JMY: variants seen among roughly 807,000 people sequenced by gnomAD.
The protein encoded by JMY is junction-mediating and -regulatory protein.
Under a neutral mutation model 103.3 loss-of-function variants are expected in JMY, and 46 were observed. The ratio of observed to expected loss-of-function variants is 0.45; its 90% CI spans 0.35 to 0.57. JMY has a LOEUF of 0.57. Among genes scored for constraint, JMY ranks in the 20% least tolerant of loss-of-function variants. The pLI is 0.00. For missense variants in JMY, 1,238 were observed against 1,255.2 expected (o/e 0.99, Z 0.21); for synonymous variants, 526 against 489.3 (o/e 1.07, Z -0.99).
intron 1 of JMY, among the ~76,000 whole-genome samples, chr5:79,241,612 CTG>C (rs1385781487): frequency 6.6e-6 from 1 of 152,106 alleles, no homozygotes; most frequent in African/African-American, 2.4e-5. Flanking sequence ...AGTTTTATAT[CTG>C]TGGGCATGTG....
intron 1 of JMY, among the ~76,000 whole-genome samples, chr5:79,247,862 ATATTTTATTT>A (rs1201751153): frequency 6.7e-5 from 10 of 148,264 alleles, no homozygotes; most frequent in East Asian, 5.9e-4. Context: ...TTTATTTTTT[ATATTTTATTT>A]TATTTTATTT....
At chr5:79,271,462 C>A (rs1745780810) in intron 1 of JMY, among the ~76,000 whole-genome samples, 2 of 152,126 alleles carry the variant, frequency 1.3e-5, no homozygotes, top group Admixed American at 1.3e-4. Context: ...GGTATAATTT[C>A]TTTCTTAAAT....
At chr5:79,272,145 C>G (rs1745802716) in intron 1 of JMY, among the ~76,000 whole-genome samples, 2 of 150,282 alleles carry the variant, frequency 1.3e-5, no homozygotes, top group Admixed American at 1.3e-4. Context: ...TCTGCATTAT[C>G]TCCAGTAATA....
chr5:79,269,805 A>G (rs1745689200), intron 1 of JMY, among the ~76,000 whole-genome samples: 1 of 151,860 alleles, frequency 6.6e-6, no homozygotes, highest in African/African-American at 2.4e-5. Context: ...ATCATAGCTC[A>G]CTGCAACCTT....
intron 1 of JMY, among the ~76,000 whole-genome samples, chr5:79,238,736 C>T (rs1473741241): frequency 6.6e-6 from 1 of 151,634 alleles, no homozygotes; most frequent in African/African-American, 2.4e-5. Context: ...CAGCCTCCCC[C>T]TCCCGGGTTC....
In JMY at chr5:79,237,042, C is replaced by T. The variant is rs994307925; in HGVS notation, c.392C>T (p.Pro131Leu). The T allele has an allele frequency of 6.6e-7, 1 of 1,518,664 alleles. No homozygotes were observed. The highest frequency in any genetic ancestry group is 8.9e-7 in the Non-Finnish European group (1 of 1,129,700). 94.1% of individuals were successfully genotyped at this position (1,518,664 alleles called of 1,614,324 possible). A position where few individuals can be genotyped will look rare whatever the true frequency, so the allele number is the denominator to read the frequency against. Reference sequence around the variant, plus strand: ...CTGGGGGACCCGCGGCTGCGGAGTCCTGGCAGCAAAGGGGCGGAGAGTCGT... The same window carrying T: ...CTGGGGGACCCGCGGCTGCGGAGTCTTGGCAGCAAAGGGGCGGAGAGTCGT... Reference protein sequence around the residue: ...SLLGDPRLRSPGSKGAESRLR... With the variant: ...SLLGDPRLRSLGSKGAESRLR... The change falls in exon 1 of 11, where the codon CCT (proline) becomes CTT (leucine). Residue 131 changes from proline to leucine, a missense_variant. Physicochemically the swap from Pro to Leu is moderately conservative, Grantham distance 98. Coordinates refer to ENST00000396137, the MANE Select transcript of JMY (RefSeq NM_152405.5).
intron 2 of JMY, among the ~76,000 whole-genome samples, chr5:79,283,354 GA>G (rs1244893883): frequency 6.6e-6 from 1 of 152,104 alleles, no homozygotes; most frequent in Non-Finnish European, 1.5e-5. Context: ...CCAAATAATT[GA>G]CCTTTTCTCT....
At chr5:79,285,068 C>G in intron 2 of JMY, 1 of 562,706 alleles carries the variant, frequency 1.8e-6, no homozygotes, top group Admixed American at 3.1e-5. Flanking sequence ...ACCATAAGCA[C>G]TTCAGACAGA....
chr5:79,283,179 G>A (rs186130146), intron 2 of JMY, among the ~76,000 whole-genome samples: 18 of 151,984 alleles, frequency 1.2e-4, no homozygotes, highest in African/African-American at 4.3e-4. Context: ...TTTTAGTAGA[G>A]GGGGGTTTCC....
At chr5:79,307,785 C>G (rs1029381945) in intron 7 of JMY, among the ~76,000 whole-genome samples, 2 of 152,148 alleles carry the variant, frequency 1.3e-5, no homozygotes, top group African/African-American at 2.4e-5. Flanking sequence ...GTCACCAAGG[C>G]TGGAGTGCAG....
rs543751097 is a variant in JMY, at chr5:79,317,366, T to G, written c.*3+1056T>G. Among the ~76,000 whole-genome samples the G allele has an allele frequency of 2.0e-5, 3 of 152,272 alleles. No homozygotes were observed. In the East Asian group the frequency reaches 5.8e-4, roughly 29 times the overall value. ...TTTGGTTACACATGTAGCATTCTCCTAATATAATAGAGAGCTATAGTCTAC... is the reference window on the plus strand; with the variant it reads ...TTTGGTTACACATGTAGCATTCTCCGAATATAATAGAGAGCTATAGTCTAC... On this transcript the variant is annotated intron_variant, in intron 10 of 10. Transcript: ENST00000396137.
intron 4 of JMY, among the ~76,000 whole-genome samples, chr5:79,293,494 G>C (rs1447454647): frequency 1.3e-5 from 2 of 151,482 alleles, no homozygotes; most frequent in Non-Finnish European, 2.9e-5. Context: ...ATGGCCTCAA[G>C]AGACCCCTCA....
chr5:79,320,063 A>AT (rs1426658239), intron 10 of JMY, among the ~76,000 whole-genome samples: 1 of 152,112 alleles, frequency 6.6e-6, no homozygotes, highest in Non-Finnish European at 1.5e-5. Flanking sequence ...AATGTATGTA[A>AT]TTACATAGAG....
At position 79,306,476 on chromosome 5, in the gene JMY, G is replaced by A. The variant is rs372773757; in HGVS notation, c.1968+15G>A. 19 of 1,564,226 alleles carry A rather than the reference G, an allele frequency of 1.2e-5. No individual in the cohort carries two copies. Among genetic ancestry groups the A allele is most frequent in the East Asian group, 1.1e-4 (5 of 44,566 alleles). ...CAGTACAACTAGTAAGTTTGGATTC[G>A]AAGATTTTGAACAAAACTTAATTTT... On this transcript the variant is annotated intron_variant, in intron 7 of 10. Coordinates refer to ENST00000396137, the MANE Select transcript of JMY (RefSeq NM_152405.5).
At chr5:79,253,463 T>G (rs927947839) in intron 1 of JMY, among the ~76,000 whole-genome samples, 6 of 152,100 alleles carry the variant, frequency 3.9e-5, no homozygotes, top group Admixed American at 6.5e-5. Flanking sequence ...CAGCTGGTTT[T>G]TTGTGTTTTT....
chr5:79,273,931 T>C (rs759335124), intron 1 of JMY, among the ~76,000 whole-genome samples: 10 of 152,100 alleles, frequency 6.6e-5, no homozygotes, highest in South Asian at 4.2e-4. Flanking sequence ...CCCGGGTTCA[T>C]GCCATTCTTC....
rs1747570435 is a variant in JMY, at chr5:79,324,574, A to G, written c.*2972A>G. ...TGGCTCCTAATGCAACCAAAATTATAACCAATGTAGCATGTGTAGGAAAGG... is the reference window on the plus strand; with the variant it reads ...TGGCTCCTAATGCAACCAAAATTATGACCAATGTAGCATGTGTAGGAAAGG... On this transcript the variant is annotated 3_prime_UTR_variant, in exon 11 of 11. Transcript: ENST00000396137. The G allele has an allele frequency of 6.6e-6, 1 of 152,236 alleles. No homozygotes were observed. The highest frequency in any genetic ancestry group is 2.1e-4 in the South Asian group (1 of 4,836). 9.4% of individuals were successfully genotyped at this position (152,236 alleles called of 1,614,324 possible).
At chr5:79,304,475 G>A (rs1349110170) in intron 6 of JMY, among the ~76,000 whole-genome samples, 1 of 151,878 alleles carries the variant, frequency 6.6e-6, no homozygotes, top group Non-Finnish European at 1.5e-5. Flanking sequence ...GTGGTCCCCG[G>A]CTGTGCTGGT....
At chr5:79,312,641 A>T in intron 8 of JMY, 143 bp downstream of exon 8, 1 of 425,462 alleles carries the variant, frequency 2.4e-6, no homozygotes. Flanking sequence ...AGTCCTTTTT[A>T]AAATTGTTTT....
Sources: allele counts gnomAD v4.1 joint callset (sites outside exome capture counted in the v4.1 genomes callset), GRCh38; gene constraint gnomAD v4.1.1; transcripts MANE v1.5; gene names NCBI Gene and HGNC (gene_info 2026-07-23, HGNC 2026-07-21).